ZNF804A: variants seen among roughly 807,000 people sequenced by gnomAD.
The protein encoded by ZNF804A is zinc finger protein 804A.
A neutral mutation model predicts 16.5 loss-of-function variants in ZNF804A; 2 were observed. That is an observed-to-expected ratio of 0.12 (90% CI 0.05 to 0.38). ZNF804A has a LOEUF of 0.38. Ranked by LOEUF, ZNF804A falls within the 10% of genes least tolerant of loss-of-function variation. The pLI is 0.99. For missense variants in ZNF804A, 1,473 were observed against 1,390.7 expected (o/e 1.06, Z -0.94); for synonymous variants, 534 against 489.6 (o/e 1.09, Z -1.20).
chr2:184,773,745 C>T (rs551837794), intron 1 of ZNF804A, among the ~76,000 whole-genome samples: 8 of 151,774 alleles, frequency 5.3e-5, no homozygotes, highest in African/African-American at 1.7e-4. Context: ...GAAATCGCCA[C>T]TAAAGAAAGA....
At chr2:184,874,758 A>G (rs1696027549) in intron 2 of ZNF804A, among the ~76,000 whole-genome samples, 1 of 152,116 alleles carries the variant, frequency 6.6e-6, no homozygotes, top group Non-Finnish European at 1.5e-5. Flanking sequence ...TCTTTTTATT[A>G]ATGTAAACAG....
intron 2 of ZNF804A, among the ~76,000 whole-genome samples, chr2:184,910,259 A>G (rs1222652470): frequency 6.6e-6 from 1 of 151,994 alleles, no homozygotes; most frequent in African/African-American, 2.4e-5. Context: ...TTTGCTCAGG[A>G]TAATGGCCTC....
chr2:184,647,291 C>T (rs1574145760), intron 1 of ZNF804A, among the ~76,000 whole-genome samples: 2 of 152,296 alleles, frequency 1.3e-5, no homozygotes, highest in East Asian at 3.9e-4. Flanking sequence ...TTGCCGTTAT[C>T]TCCAGATGCA....
intron 1 of ZNF804A, among the ~76,000 whole-genome samples, chr2:184,750,358 A>G (rs1284635280): frequency 6.6e-6 from 1 of 151,410 alleles, no homozygotes; most frequent in Non-Finnish European, 1.5e-5. Flanking sequence ...TCAATATTAT[A>G]TCTTGAGCTC....
intron 1 of ZNF804A, among the ~76,000 whole-genome samples, chr2:184,636,551 G>C (rs1428180437): frequency 2.9e-4 from 1 of 3,414 alleles, no homozygotes; most frequent in Non-Finnish European, 9.0e-4. Context: ...CTCTAGGGCT[G>C]TGTGTGTGTG....
chr2:184,725,014 T>C (rs1189324733), intron 1 of ZNF804A, among the ~76,000 whole-genome samples: 1 of 151,776 alleles, frequency 6.6e-6, no homozygotes, highest in African/African-American at 2.4e-5. Flanking sequence ...CATACAGTTA[T>C]TCCTAGGGAT....
At position 184,654,390 on chromosome 2, in the gene ZNF804A, A is replaced by G. The variant is rs757455112; in HGVS notation, c.111+55320A>G. ...TGAGTTGGAAATAAGGGCAAAAAAA[A>G]TTGGGAAGGTGGCTGTCATTGAATA... On this transcript the variant is annotated intron_variant, in intron 1 of 3. Coordinates refer to ENST00000302277, the MANE Select transcript of ZNF804A (RefSeq NM_194250.2). Among the ~76,000 whole-genome samples the G allele has an allele frequency of 4.9e-4, 75 of 152,142 alleles. 1 individual carries two copies. Among genetic ancestry groups the G allele is most frequent in the Non-Finnish European group, 1.5e-4 (10 of 68,018 alleles).
Position 184,936,135 on chromosome 2 carries a change from A to T in ZNF804A, c.739A>T (p.Ser247Cys). 6.2e-7 allele frequency: 1 copy of T among 1,614,066 alleles called. No individual in the cohort carries two copies. Among genetic ancestry groups the T allele is most frequent in the Non-Finnish European group, 8.5e-7 (1 of 1,179,930 alleles). Residue 247 changes from serine to cysteine, a missense_variant, in exon 4 of 4, where the codon AGC becomes TGC. Ser to Cys is a moderately radical substitution (Grantham distance 112). Transcript: ENST00000302277. ...SDDASVGKGF[S>C]RKSRFVPSAC... ...TGATGCCTCAGTGGGAAAAGGATTT[A>T]GCAGAAAAAGTAGATTTGTCCCCAG...
chr2:184,871,045 A>C (rs1213474112), intron 2 of ZNF804A, among the ~76,000 whole-genome samples: 1 of 151,062 alleles, frequency 6.6e-6, no homozygotes, highest in Non-Finnish European at 1.5e-5. Context: ...AATGCCTTAG[A>C]ATTTTCACTT....
chr2:184,718,506 C>G (rs564342192), intron 1 of ZNF804A, among the ~76,000 whole-genome samples: 3 of 152,230 alleles, frequency 2.0e-5, no homozygotes, highest in Admixed American at 6.5e-5. Context: ...ACCTATGAGC[C>G]TATGAAATAA....
At chr2:184,712,509 A>T (rs13389241) in intron 1 of ZNF804A, among the ~76,000 whole-genome samples, 47,204 of 151,350 alleles carry the variant, frequency 0.31, 9,682 homozygotes, top group African/African-American at 0.58. Context: ...GTGTAAGTTA[A>T]ACTTTTGGTT....
chr2:184,921,188 A>G (rs1685523016), intron 2 of ZNF804A, among the ~76,000 whole-genome samples: 1 of 152,166 alleles, frequency 6.6e-6, no homozygotes, highest in Non-Finnish European at 1.5e-5. Context: ...ACTTTTCTAG[A>G]TGTAAATATG....
chr2:184,793,482 G>A (rs1694584902), intron 1 of ZNF804A, among the ~76,000 whole-genome samples: 1 of 152,036 alleles, frequency 6.6e-6, no homozygotes, highest in South Asian at 2.1e-4. Context: ...GTGTGAGATG[G>A]TATCTCATTG....
intron 2 of ZNF804A, among the ~76,000 whole-genome samples, chr2:184,885,193 G>T (rs986344433): frequency 1.3e-5 from 2 of 151,982 alleles, no homozygotes; most frequent in Non-Finnish European, 2.9e-5. Flanking sequence ...AAAACGACAG[G>T]CTCTAGCAAG....
chr2:184,713,491 T>G lies in ZNF804A; in HGVS notation c.111+114421T>G, dbSNP rs369922320. Among the ~76,000 whole-genome samples, 7 of 152,072 alleles carry G rather than the reference T, an allele frequency of 4.6e-5. No individual in the cohort carries two copies. The South Asian group carries it at 1.2e-3, about 27-fold the overall frequency. On this transcript the variant is annotated intron_variant, in intron 1 of 3. Coordinates refer to ENST00000302277, the MANE Select transcript of ZNF804A (RefSeq NM_194250.2). ...AAAGTATGTCTTCCATGAGTGATAATAGGTTGTATATGGCACTCTAATGAT... is the reference window on the plus strand; with the variant it reads ...AAAGTATGTCTTCCATGAGTGATAAGAGGTTGTATATGGCACTCTAATGAT...
At chr2:184,625,280 C>T (rs1691478302) in intron 1 of ZNF804A, among the ~76,000 whole-genome samples, 1 of 151,944 alleles carries the variant, frequency 6.6e-6, no homozygotes, top group African/African-American at 2.4e-5. Flanking sequence ...TATAAAATAG[C>T]CATCAGTTTA....
intron 2 of ZNF804A, among the ~76,000 whole-genome samples, chr2:184,899,551 G>C (rs1685143466): frequency 6.6e-6 from 1 of 151,924 alleles, no homozygotes; most frequent in Non-Finnish European, 1.5e-5. Context: ...GAAAATGTTA[G>C]TTGAAACCCT....
chr2:184,794,695 C>T (rs1314644404), intron 1 of ZNF804A, among the ~76,000 whole-genome samples: 1 of 152,070 alleles, frequency 6.6e-6, no homozygotes, highest in Non-Finnish European at 1.5e-5. Context: ...AAATGCTCTG[C>T]ATAAAAGATA....
At chr2:184,931,608 A>G (rs190758103) in intron 2 of ZNF804A, among the ~76,000 whole-genome samples, 1 of 152,108 alleles carries the variant, frequency 6.6e-6, no homozygotes, top group Admixed American at 6.6e-5. Flanking sequence ...TTCCCTCCCA[A>G]TCCTCTGGGC....
Sources: allele counts gnomAD v4.1 joint callset (sites outside exome capture counted in the v4.1 genomes callset), GRCh38; gene constraint gnomAD v4.1.1; transcripts MANE v1.5; gene names NCBI Gene and HGNC (gene_info 2026-07-23, HGNC 2026-07-21).